The following FCHSD2 variants were observed in gnomAD, a reference collection of about 807,000 sequenced individuals.
The protein encoded by FCHSD2 is FCH and double SH3 domains 2.
FCHSD2 carries 38 observed loss-of-function variants against 108.1 expected under a neutral mutation model. That is an observed-to-expected ratio of 0.35 (90% CI 0.27 to 0.46). The LOEUF (loss-of-function observed/expected upper bound fraction) is 0.46, where lower values mean the gene tolerates loss of function less well. Ranked by LOEUF, FCHSD2 falls within the 20% of genes least tolerant of loss-of-function variation. The pLI is 1.00. For synonymous variants in FCHSD2, 279 were observed against 314.7 expected (o/e 0.89, Z 1.20); for missense variants, 751 against 897.8 (o/e 0.84, Z 2.09).
At chr11:72,883,335 A>G in intron 12 of FCHSD2, among the ~76,000 whole-genome samples, 1 of 152,192 alleles carries the variant, frequency 6.6e-6, no homozygotes, top group East Asian at 1.9e-4. Flanking sequence ...TCTCATCAAA[A>G]TTAAAAGTTT....
intron 9 of FCHSD2, among the ~76,000 whole-genome samples, chr11:72,909,062 C>G (rs904219858): frequency 1.3e-5 from 2 of 152,172 alleles, no homozygotes; most frequent in African/African-American, 4.8e-5. Flanking sequence ...CCTCCCCCCT[C>G]CATCTCTCCG....
chr11:73,121,293 C>T (rs1282535271), intron 2 of FCHSD2, among the ~76,000 whole-genome samples: 2 of 152,052 alleles, frequency 1.3e-5, no homozygotes, highest in Non-Finnish European at 2.9e-5. Context: ...ATTTTATCCC[C>T]ATCTCATATT....
intron 1 of FCHSD2, 22 bp from the exon 2 acceptor site, chr11:73,140,150 T>C: frequency 1.4e-6 from 2 of 1,381,512 alleles, no homozygotes; most frequent in Non-Finnish European, 9.9e-7. Flanking sequence ...CATATATTTA[T>C]GAAGGTCTTT....
chr11:72,865,064 CTG>C (rs1354355156), intron 13 of FCHSD2, among the ~76,000 whole-genome samples: 1 of 152,222 alleles, frequency 6.6e-6, no homozygotes, highest in Non-Finnish European at 1.5e-5. Flanking sequence ...AGGGAGTAGT[CTG>C]TGTCTTTTTA....
At chr11:73,064,196 T>A (rs1409834205) in intron 3 of FCHSD2, among the ~76,000 whole-genome samples, 7 of 152,084 alleles carry the variant, frequency 4.6e-5, no homozygotes, top group Non-Finnish European at 7.3e-5. Context: ...ACCGGGTATA[T>A]AATGAAATGA....
At chr11:73,074,012 T>C (rs1027804577) in intron 3 of FCHSD2, among the ~76,000 whole-genome samples, 1 of 152,116 alleles carries the variant, frequency 6.6e-6, no homozygotes, top group Non-Finnish European at 1.5e-5. Flanking sequence ...AGGGCAATAA[T>C]AGTATAAGAT....
chr11:72,959,803 T>C (rs1035974855), intron 8 of FCHSD2, among the ~76,000 whole-genome samples: 1 of 151,848 alleles, frequency 6.6e-6, no homozygotes, highest in Non-Finnish European at 1.5e-5. Flanking sequence ...TATATGCTGA[T>C]GAGCAGAGGT....
At chr11:72,875,836 C>A (rs984427812) in intron 12 of FCHSD2, among the ~76,000 whole-genome samples, 1 of 152,180 alleles carries the variant, frequency 6.6e-6, no homozygotes, top group African/African-American at 2.4e-5. Flanking sequence ...AGAGGACCCT[C>A]AGTAAGTGCT....
rs1859691697 is a variant in FCHSD2, at chr11:73,081,732, A to T, written c.165+1963T>A. On this transcript the variant is annotated intron_variant, in intron 3 of 19. Coordinates refer to ENST00000409418, the MANE Select transcript of FCHSD2 (RefSeq NM_014824.3). ...AGACTTTCATCTCAATTTTATAAAT[A>T]TATATGTAGTGTACATGTATGAAAG... is the stretch of plus-strand genomic sequence containing the variant. Among the ~76,000 whole-genome samples the T allele has an allele frequency of 2.0e-5, 3 of 152,086 alleles. No individual in the cohort carries two copies. In the South Asian group the frequency reaches 6.2e-4, roughly 31 times the overall value.
chr11:72,906,506 T>A (rs1024319411), intron 9 of FCHSD2, among the ~76,000 whole-genome samples: 1 of 152,238 alleles, frequency 6.6e-6, no homozygotes, highest in Non-Finnish European at 1.5e-5. Flanking sequence ...TGCCCATGCC[T>A]ATGTCCTGAA....
chr11:72,881,608 T>G (rs1386067031), intron 12 of FCHSD2, among the ~76,000 whole-genome samples: 1 of 152,244 alleles, frequency 6.6e-6, no homozygotes, highest in African/African-American at 2.4e-5. Context: ...ACAGCACTAT[T>G]CACAGTGGCC....
At chr11:72,847,527 T>TCCCC (rs1462197836) in intron 14 of FCHSD2, among the ~76,000 whole-genome samples, 2 of 152,098 alleles carry the variant, frequency 1.3e-5, no homozygotes, top group African/African-American at 4.8e-5. Flanking sequence ...ATATGAAAAC[T>TCCCC]AAGATTAAGT....
At position 72,987,826 on chromosome 11, in the gene FCHSD2, C is replaced by T. The variant is rs373024382; in HGVS notation, c.521+1138G>A. ...AACAAGTTTCTAAAAACGACTATGA[C>T]AGTATATTCCCAATGGACATCTAAT... is the stretch of plus-strand genomic sequence containing the variant. On this transcript the variant is annotated intron_variant, in intron 6 of 19. Transcript: ENST00000409418. 2.0e-4 allele frequency among the ~76,000 whole-genome samples: 30 copies of T among 152,272 alleles called. No homozygotes were observed. The South Asian group carries it at 5.8e-3, about 29-fold the overall frequency.
At chr11:73,069,201 C>T (rs1479878974) in intron 3 of FCHSD2, among the ~76,000 whole-genome samples, 1 of 150,712 alleles carries the variant, frequency 6.6e-6, no homozygotes, top group Non-Finnish European at 1.5e-5. Flanking sequence ...GTCCCAGCCA[C>T]TCGGGAGGCT....
chr11:73,045,554 G>A (rs1402310161), intron 3 of FCHSD2, among the ~76,000 whole-genome samples: 1 of 151,480 alleles, frequency 6.6e-6, no homozygotes, highest in East Asian at 1.9e-4. Flanking sequence ...TTAAGAAAAT[G>A]TGGCACATAT....
At chr11:72,896,525 C>A (rs1415560461) in intron 10 of FCHSD2, among the ~76,000 whole-genome samples, 1 of 152,114 alleles carries the variant, frequency 6.6e-6, no homozygotes, top group East Asian at 1.9e-4. Context: ...AAGTCATGTA[C>A]TTAAAATTAT....
At chr11:73,140,825 GC>G (rs1470808996) in intron 1 of FCHSD2, among the ~76,000 whole-genome samples, 2 of 152,204 alleles carry the variant, frequency 1.3e-5, no homozygotes, top group Admixed American at 1.3e-4. Flanking sequence ...CGCCCGCCAG[GC>G]CGGGGCCCCA....
At chr11:72,931,158 C>T (rs1856183205) in intron 8 of FCHSD2, among the ~76,000 whole-genome samples, 4 of 146,960 alleles carry the variant, frequency 2.7e-5, no homozygotes, top group South Asian at 4.2e-4. Flanking sequence ...TGTAGTGGTG[C>T]GATCAGGCTC....
At chr11:72,933,666 A>G (rs2135330159) in intron 8 of FCHSD2, among the ~76,000 whole-genome samples, 1 of 152,326 alleles carries the variant, frequency 6.6e-6, no homozygotes. Flanking sequence ...AATTGCAAGT[A>G]ATAATAATTC....
Sources: gnomAD v4.1 joint callset for allele counts (sites outside exome capture counted in the v4.1 genomes callset) on GRCh38, gnomAD v4.1.1 for gene constraint, MANE v1.5 for transcripts, NCBI Gene and HGNC (gene_info 2026-07-23, HGNC 2026-07-21) for gene names.